MERTK: variants seen among roughly 807,000 people sequenced by gnomAD.
MERTK encodes the protein MER proto-oncogene, tyrosine kinase, also known as tyrosine-protein kinase Mer.
A neutral mutation model predicts 99.3 loss-of-function variants in MERTK; 69 were observed. The observed-to-expected ratio is 0.70, with a 90% CI of 0.57 to 0.85. MERTK has a LOEUF of 0.85. MERTK is among the 40% of genes least tolerant of loss of function. MERTK has a pLI of 0.00. For missense variants in MERTK, 1,125 were observed against 1,249.4 expected (o/e 0.90, Z 1.50); for synonymous variants, 426 against 467.6 (o/e 0.91, Z 1.15).
chr2:111,927,856 GC>G (rs1408558049), intron 1 of MERTK, among the ~76,000 whole-genome samples: 1 of 152,112 alleles, frequency 6.6e-6, no homozygotes, highest in African/African-American at 2.4e-5. Context: ...CAAGGATGGA[GC>G]CCCCACTGTG....
chr2:111,956,067 T>C (rs371353673), intron 4 of MERTK, among the ~76,000 whole-genome samples: 13 of 151,924 alleles, frequency 8.6e-5, no homozygotes, highest in African/African-American at 2.9e-4. Context: ...TGTATACATA[T>C]GTAACAAACC....
chr2:112,018,214 T>C (rs1677258108), intron 15 of MERTK, among the ~76,000 whole-genome samples: 1 of 152,242 alleles, frequency 6.6e-6, no homozygotes, highest in African/African-American at 2.4e-5. Context: ...AATTCTGCTA[T>C]ACAATTATTT....
At chr2:111,975,529 C>A in intron 7 of MERTK, 57 bp downstream of exon 7, 2 of 1,567,586 alleles carry the variant, frequency 1.3e-6, no homozygotes, top group Non-Finnish European at 1.8e-6. Context: ...TTCAACAAAC[C>A]CTTCCCAGTG....
intron 13 of MERTK, among the ~76,000 whole-genome samples, chr2:112,006,219 A>G (rs1676976998): frequency 6.6e-6 from 1 of 151,702 alleles, no homozygotes; most frequent in African/African-American, 2.4e-5. Context: ...AAAAGGAACC[A>G]CAATAACCAA....
chr2:111,980,915 T>C (rs1206602509), intron 7 of MERTK, among the ~76,000 whole-genome samples: 1 of 152,218 alleles, frequency 6.6e-6, no homozygotes, highest in Non-Finnish European at 1.5e-5. Flanking sequence ...TGTTGACTCC[T>C]CTTTGCCTTG....
chr2:111,997,913 A>G (rs1411272963), intron 10 of MERTK, among the ~76,000 whole-genome samples: 1 of 152,206 alleles, frequency 6.6e-6, no homozygotes, highest in Admixed American at 6.5e-5. Flanking sequence ...TTAGCTGGGC[A>G]TGATGGCACA....
chr2:111,921,873 G>A (rs1996330), intron 1 of MERTK, among the ~76,000 whole-genome samples: 1 of 151,890 alleles, frequency 6.6e-6, no homozygotes, highest in Non-Finnish European at 1.5e-5. Flanking sequence ...GAGCCACCAC[G>A]CCTAGCCTGG....
chr2:111,922,545 C>G (rs1684485138), intron 1 of MERTK, among the ~76,000 whole-genome samples: 1 of 152,220 alleles, frequency 6.6e-6, no homozygotes, highest in African/African-American at 2.4e-5. Context: ...CCCGCAGGGC[C>G]CAGACCTGGC....
At chr2:112,013,452 C>G (rs1408591829) in intron 15 of MERTK, 1 of 154,418 alleles carries the variant, frequency 6.5e-6, no homozygotes, top group East Asian at 1.9e-4. Context: ...ATTGTTCACT[C>G]AATGCCTACA....
chr2:111,980,006 T>C (rs1006297182), intron 7 of MERTK, among the ~76,000 whole-genome samples: 2 of 152,208 alleles, frequency 1.3e-5, no homozygotes, highest in African/African-American at 4.8e-5. Context: ...TCTGTGGGTA[T>C]GGGCAGAGCT....
intron 1 of MERTK, among the ~76,000 whole-genome samples, chr2:111,901,979 G>A (rs112216534): frequency 0.045 from 6,848 of 152,164 alleles, 210 homozygotes; most frequent in Non-Finnish European, 0.07. Context: ...CCCGCCTCCC[G>A]GGTTCAAGCA....
chr2:111,978,545 C>T lies in MERTK; in HGVS notation c.1144+3073C>T, dbSNP rs541077194. ...TCCTGACCTCAAATGATCTTCCCACCTCAGCCTCCCAAAATGTTTATAGGC... is the reference window on the plus strand; with the variant it reads ...TCCTGACCTCAAATGATCTTCCCACTTCAGCCTCCCAAAATGTTTATAGGC... On this transcript the variant is annotated intron_variant, in intron 7 of 18. Transcript: ENST00000295408. Among the ~76,000 whole-genome samples the T allele has an allele frequency of 6.4e-4, 97 of 152,292 alleles. 1 individual carries two copies. The highest frequency in any genetic ancestry group is 2.3e-3 in the African/African-American group (96 of 41,546).
At chr2:111,984,599 A>G (rs1676435064) in intron 8 of MERTK, among the ~76,000 whole-genome samples, 1 of 152,206 alleles carries the variant, frequency 6.6e-6, no homozygotes, top group South Asian at 2.1e-4. Context: ...CAGGGCCCTG[A>G]AAGTGAAGCC....
chr2:111,944,876 C>A, intron 2 of MERTK, 84 bp from the exon 3 acceptor site: 1 of 1,152,850 alleles, frequency 8.7e-7, no homozygotes, highest in Non-Finnish European at 1.3e-6. Context: ...CAGCATATGA[C>A]AAAGAAGTTG....
Position 111,906,076 on chromosome 2 carries a change from T to TG in MERTK, c.61+7281dup, listed in dbSNP as rs1463636782. ...CTTGTATGTTTCTCCTTGTACTCTGTGCCTCCATGTATTTCTGTTGGTCCC... is the reference window on the plus strand; with the variant it reads ...CTTGTATGTTTCTCCTTGTACTCTGTGGCCTCCATGTATTTCTGTTGGTCCC... On this transcript the variant is annotated intron_variant, in intron 1 of 18. Transcript: ENST00000295408. Among the ~76,000 whole-genome samples the TG allele has an allele frequency of 1.1e-3, 8 of 7,098 alleles. No individual in the cohort carries two copies. The Admixed American group carries it at 0.027, about 24-fold the overall frequency. 4.7% of individuals were successfully genotyped at this position (7,098 alleles called of 152,430 possible). A position where few individuals can be genotyped will look rare whatever the true frequency, so the allele number is the denominator to read the frequency against.
At chr2:111,985,233 C>A (rs143752700) in intron 8 of MERTK, among the ~76,000 whole-genome samples, 2 of 152,268 alleles carry the variant, frequency 1.3e-5, no homozygotes, top group East Asian at 3.9e-4. Context: ...AGTCTAAAGA[C>A]CACTGCTATG....
chr2:111,944,984 C>T lies in MERTK; in HGVS notation c.507C>T (p.Asp169=), dbSNP rs1163107324. 2.5e-6 allele frequency: 4 copies of T among 1,613,688 alleles called. No homozygotes were observed. Among genetic ancestry groups the T allele is most frequent in the Non-Finnish European group, 3.4e-6 (4 of 1,179,772 alleles). Residue 169 remains aspartate, a synonymous_variant, in exon 3 of 19, where the codon GAC becomes GAT. Transcript: ENST00000295408. ...SFSITSVQRS[D]NGSYICKMKI... ...GCATAACCAGTGTGCAGCGTTCAGA[C>T]AATGGGTCGTATATCTGTAAGATGA... is the stretch of plus-strand genomic sequence containing the variant.
intron 4 of MERTK, among the ~76,000 whole-genome samples, chr2:111,948,077 TG>T (rs1363550034): frequency 6.6e-6 from 1 of 152,204 alleles, no homozygotes; most frequent in Non-Finnish European, 1.5e-5. Flanking sequence ...ACATCACTGA[TG>T]ATGCTCTTGT....
chr2:111,962,334 C>T (rs546555500), intron 4 of MERTK, among the ~76,000 whole-genome samples: 55 of 152,132 alleles, frequency 3.6e-4, no homozygotes, highest in Non-Finnish European at 6.3e-4. Flanking sequence ...ATGGTGATAC[C>T]CCGTCTCTAC....
Sources: allele counts gnomAD v4.1 joint callset (sites outside exome capture counted in the v4.1 genomes callset), GRCh38; gene constraint gnomAD v4.1.1; transcripts MANE v1.5; gene names NCBI Gene and HGNC (gene_info 2026-07-23, HGNC 2026-07-21).